Variants in HTR7 observed in about 807,000 individuals in gnomAD.
HTR7 encodes 5-HT-7.
In HTR7, 16 loss-of-function variants were observed where a neutral mutation model predicts 34.0. That is an observed-to-expected ratio of 0.47 (90% CI 0.32 to 0.71). The LOEUF is 0.71. Among genes scored for constraint, HTR7 ranks in the 30% least tolerant of loss-of-function variants. HTR7 has a pLI of 0.04. For synonymous variants in HTR7, 265 were observed against 260.2 expected, an observed-to-expected ratio of 1.02 and a Z score of -0.18; for missense variants, 504 against 625.5, an observed-to-expected ratio of 0.81 and a Z score of 2.07.
chr10:90,799,512 T>G (rs565819152), intron 1 of HTR7, among the ~76,000 whole-genome samples: 2 of 152,128 alleles, frequency 1.3e-5, no homozygotes, highest in South Asian at 4.1e-4. Context: ...AGCTGTCCAC[T>G]GGTGAGATTC....
Position 90,857,786 on chromosome 10 carries a change from C to A in HTR7, c.-115G>T, listed in dbSNP as rs534613886. Reference sequence around the variant, plus strand: ...CTCCGCCCGGCCCAGCCATGGGGCCCGCGCCGACCGCTGGGGGGCGCCTGG... The same window carrying A: ...CTCCGCCCGGCCCAGCCATGGGGCCAGCGCCGACCGCTGGGGGGCGCCTGG... On this transcript the variant is annotated 5_prime_UTR_variant, in exon 1 of 4. Transcript: ENST00000336152. The surrounding 1 kb of genome is among the most constrained non-coding windows in gnomAD (Gnocchi z 6.5). The A allele has an allele frequency of 1.9e-5, 20 of 1,032,624 alleles. No individual in the cohort carries two copies. Among genetic ancestry groups the A allele is most frequent in the African/African-American group, 3.4e-5 (2 of 59,164 alleles). 64.0% of individuals were successfully genotyped at this position (1,032,624 alleles called of 1,614,324 possible). A position where few individuals can be genotyped will look rare whatever the true frequency, so the allele number is the denominator to read the frequency against.
intron 1 of HTR7, among the ~76,000 whole-genome samples, chr10:90,821,153 C>CACACACACA (rs780768970): frequency 8.6e-5 from 13 of 151,798 alleles, no homozygotes; most frequent in African/African-American, 2.9e-4. Flanking sequence ...CACACACACA[C>CACACACACA]AAGCACCTTC....
chr10:90,762,436 T>C (rs1181855753), intron 1 of HTR7, among the ~76,000 whole-genome samples: 1 of 152,220 alleles, frequency 6.6e-6, no homozygotes, highest in East Asian at 1.9e-4. Context: ...ATGTCTTCTT[T>C]GGAAAAATGT....
intron 1 of HTR7, among the ~76,000 whole-genome samples, chr10:90,835,790 A>T (rs892754140): frequency 4.6e-5 from 7 of 152,274 alleles, no homozygotes; most frequent in Admixed American, 4.6e-4. Flanking sequence ...CTTGAGAGGG[A>T]CACCTAACCC....
intron 1 of HTR7, among the ~76,000 whole-genome samples, chr10:90,813,246 C>A (rs1028508523): frequency 3.9e-5 from 6 of 152,146 alleles, no homozygotes; most frequent in African/African-American, 1.4e-4. Context: ...TCTCTTCACA[C>A]GGACGCGCAT....
intron 1 of HTR7, among the ~76,000 whole-genome samples, chr10:90,839,405 G>C (rs1043303502): frequency 2.6e-5 from 4 of 151,990 alleles, no homozygotes; most frequent in Non-Finnish European, 5.9e-5. Context: ...AATATTGATA[G>C]CCCCTTTTTG....
In HTR7 at chr10:90,762,727, C is replaced by A. The variant is rs547643255; in HGVS notation, c.540-13133G>T. 3.3e-5 allele frequency among the ~76,000 whole-genome samples: 5 copies of A among 152,046 alleles called. No homozygotes were observed. In the East Asian group the frequency reaches 9.6e-4, roughly 29 times the overall value. On this transcript the variant is annotated intron_variant, in intron 1 of 3. Coordinates refer to ENST00000336152, the MANE Select transcript of HTR7 (RefSeq NM_019859.4). ...CACTGCCAATATCGATATAAAGGAG[C>A]TTTTACCCGGTGTTTTCTTCTTGGA... is the stretch of plus-strand genomic sequence containing the variant.
intron 1 of HTR7, among the ~76,000 whole-genome samples, chr10:90,846,137 A>G (rs1846410720): frequency 6.6e-6 from 1 of 152,262 alleles, no homozygotes. Context: ...ATAATAAAAT[A>G]TCTTGAGGAT....
Position 90,857,524 on chromosome 10 carries a change from T to G in HTR7, c.148A>C (p.Ser50Arg), listed in dbSNP as rs1846605557. Residue 50 changes from serine to arginine, a missense_variant, in exon 1 of 4, where the codon AGC (serine) becomes CGC (arginine). Ser to Arg is a moderately radical substitution (Grantham distance 110). Coordinates refer to ENST00000336152, the MANE Select transcript of HTR7 (RefSeq NM_019859.4). The surrounding 1 kb of genome is among the most constrained non-coding windows in gnomAD (Gnocchi z 6.5). The stretch of plus-strand genomic sequence containing the variant: ...GGCGCCGGGCTGGCTGTCACCTCGC[T>G]CAGCAGGTGCGGCGCCCAGGAGCCC... ...VAGSWAPHLL[S>R]EVTASPAPTW... 3.1e-6 allele frequency: 5 copies of G among 1,609,732 alleles called. No homozygotes were observed. The highest frequency in any genetic ancestry group is 4.2e-6 in the Non-Finnish European group (5 of 1,178,602).
chr10:90,831,103 A>G (rs1846163333), intron 1 of HTR7, among the ~76,000 whole-genome samples: 1 of 152,234 alleles, frequency 6.6e-6, no homozygotes, highest in Admixed American at 6.5e-5. Context: ...AGCAAGAAAT[A>G]GATTGCACAT....
At chr10:90,779,069 C>A (rs1845267050) in intron 1 of HTR7, among the ~76,000 whole-genome samples, 1 of 152,120 alleles carries the variant, frequency 6.6e-6, no homozygotes, top group Non-Finnish European at 1.5e-5. Flanking sequence ...GAACTGCTGC[C>A]CTGATTCTCA....
chr10:90,802,657 T>C lies in HTR7; in HGVS notation c.540-53063A>G, dbSNP rs199711362. On this transcript the variant is annotated intron_variant, in intron 1 of 3. Coordinates refer to ENST00000336152, the MANE Select transcript of HTR7 (RefSeq NM_019859.4). ...TATAGCTAGCCTTAAAAATTCTCTTTAAAGAGCAAAATCTGACCTAAAACA... is the reference window on the plus strand; with the variant it reads ...TATAGCTAGCCTTAAAAATTCTCTTCAAAGAGCAAAATCTGACCTAAAACA... 5.3e-5 allele frequency among the ~76,000 whole-genome samples: 8 copies of C among 152,366 alleles called. No individual in the cohort carries two copies. In the East Asian group the frequency reaches 1.2e-3, roughly 22 times the overall value.
At chr10:90,833,953 T>C (rs1383381484) in intron 1 of HTR7, among the ~76,000 whole-genome samples, 1 of 152,264 alleles carries the variant, frequency 6.6e-6, no homozygotes, top group Non-Finnish European at 1.5e-5. Context: ...CTTTTATGAC[T>C]ACATAATCCT....
intron 1 of HTR7, among the ~76,000 whole-genome samples, chr10:90,831,504 T>C (rs990584560): frequency 7.2e-5 from 11 of 152,172 alleles, no homozygotes; most frequent in African/African-American, 1.7e-4. Context: ...ACCCAAAAAG[T>C]GGGCAGTAGC....
At chr10:90,793,013 A>G (rs1845483193) in intron 1 of HTR7, among the ~76,000 whole-genome samples, 2 of 152,186 alleles carry the variant, frequency 1.3e-5, no homozygotes, top group African/African-American at 4.8e-5. Context: ...TGGATATGAC[A>G]CCAAAGCACA....
At chr10:90,799,009 A>G (rs552001915) in intron 1 of HTR7, among the ~76,000 whole-genome samples, 1 of 152,218 alleles carries the variant, frequency 6.6e-6, no homozygotes, top group South Asian at 2.1e-4. Context: ...CCCTCCCCAA[A>G]TTGCTCCTGG....
intron 1 of HTR7, among the ~76,000 whole-genome samples, chr10:90,840,872 C>T (rs1846319333): frequency 6.6e-6 from 1 of 152,190 alleles, no homozygotes; most frequent in South Asian, 2.1e-4. Flanking sequence ...CACAGAACTA[C>T]AAATGTCAAA....
chr10:90,813,297 C>T (rs11596739), intron 1 of HTR7, among the ~76,000 whole-genome samples: 22,053 of 152,074 alleles, frequency 0.15, 1,713 homozygotes, highest in East Asian at 0.2. Context: ...CGAGGCGGGC[C>T]GATCACCTGA....
intron 1 of HTR7, among the ~76,000 whole-genome samples, chr10:90,821,134 G>GCACACA (rs3035231): frequency 0.081 from 12,223 of 150,226 alleles, 771 homozygotes; most frequent in African/African-American, 0.17. Flanking sequence ...ACACACACAT[G>GCACACA]CACACACACA....
Sources: allele counts gnomAD v4.1 joint callset (sites outside exome capture counted in the v4.1 genomes callset), GRCh38; gene constraint gnomAD v4.1.1; non-coding constraint Gnocchi (gnomAD v3.1); transcripts MANE v1.5; gene names NCBI Gene and HGNC (gene_info 2026-07-23, HGNC 2026-07-21).